Variants in ISLR2 observed in about 807,000 individuals in gnomAD.
The protein encoded by ISLR2 is immunoglobulin superfamily containing leucine rich repeat 2, also known as immunoglobulin superfamily containing leucine-rich repeat protein 2.
In ISLR2, 16 loss-of-function variants were observed where a neutral mutation model predicts 25.5. That is an observed-to-expected ratio of 0.63 (90% CI 0.43 to 0.95). The LOEUF is 0.95. Among genes scored for constraint, ISLR2 ranks in the 40% least tolerant of loss-of-function variants. The pLI is 0.00. For missense variants in ISLR2, 883 were observed against 1,030.7 expected, an observed-to-expected ratio of 0.86 and a Z score of 1.96; for synonymous variants, 508 against 486.6, an observed-to-expected ratio of 1.04 and a Z score of -0.58.
At chr15:74,123,065 T>C (rs1375783454) in intron 2 of ISLR2, among the ~76,000 whole-genome samples, 1 of 152,038 alleles carries the variant, frequency 6.6e-6, no homozygotes, top group Non-Finnish European at 1.5e-5. Context: ...TATTCAGTGA[T>C]CAGATTTTAA....
intron 1 of ISLR2, 148 bp downstream of exon 1, chr15:74,130,769 G>C (rs574852595): frequency 6.6e-6 from 1 of 152,386 alleles, no homozygotes; most frequent in African/African-American, 2.4e-5. Context: ...ATTGTAAACT[G>C]TGAAGGTCGG....
At chr15:74,113,010 C>T (rs2072181710) in intron 2 of ISLR2, among the ~76,000 whole-genome samples, 1 of 152,126 alleles carries the variant, frequency 6.6e-6, no homozygotes, top group African/African-American at 2.4e-5. Flanking sequence ...TCACGGAAGA[C>T]AATTTTTCTA....
At chr15:74,131,760 A>G (rs954291480) in intron 2 of ISLR2, 10 of 152,198 alleles carry the variant, frequency 6.6e-5, no homozygotes, top group African/African-American at 2.4e-4. Context: ...TTCCCAACAC[A>G]CCTGGTCCAA....
At chr15:74,105,719 T>C (rs569352023) in intron 2 of ISLR2, among the ~76,000 whole-genome samples, 6 of 151,812 alleles carry the variant, frequency 4.0e-5, no homozygotes, top group Non-Finnish European at 7.4e-5. Flanking sequence ...AGCCAAGCAA[T>C]AAACCAGAAT....
At chr15:74,129,174 T>A, upstream of ISLR2, 1 of 399,824 alleles carries the variant, frequency 2.5e-6, no homozygotes, top group Non-Finnish European at 5.0e-6. The surrounding 1 kb of genome is among the most constrained non-coding windows in gnomAD (Gnocchi z 4.5). Context: ...GATGCGATGG[T>A]CTCAGCCCGC....
At chr15:74,120,809 A>G (rs1306525905) in intron 2 of ISLR2, among the ~76,000 whole-genome samples, 4 of 152,258 alleles carry the variant, frequency 2.6e-5, no homozygotes, top group African/African-American at 9.6e-5. Flanking sequence ...TATAGAAAGT[A>G]CTAAATTTAG....
intron 1 of ISLR2, among the ~76,000 whole-genome samples, chr15:74,103,440 A>G (rs1024425458): frequency 1.4e-5 from 2 of 143,808 alleles, no homozygotes; most frequent in African/African-American, 2.7e-5. Flanking sequence ...CATGTGTACT[A>G]AAAACAAAAT....
At chr15:74,124,820 C>T (rs754792131), upstream of ISLR2, among the ~76,000 whole-genome samples, 2 of 152,160 alleles carry the variant, frequency 1.3e-5, no homozygotes, top group Non-Finnish European at 2.9e-5. Context: ...GGAAGCCCTC[C>T]AGTGACACCA....
chr15:74,128,919 C>G (rs1289651062), upstream of ISLR2: 1 of 424,872 alleles, frequency 2.4e-6, no homozygotes, highest in Non-Finnish European at 4.7e-6. Context: ...CCGCCGTCTG[C>G]CTCCTTCTCC....
chr15:74,112,828 CT>C (rs35655801), intron 2 of ISLR2, among the ~76,000 whole-genome samples: 182 of 130,494 alleles, frequency 1.4e-3, no homozygotes, highest in Middle Eastern at 4.0e-3. Flanking sequence ...GTGCCCGGCC[CT>C]TTTTTTTTTT....
chr15:74,101,979 C>T (rs2072084009), intron 1 of ISLR2, among the ~76,000 whole-genome samples: 1 of 139,596 alleles, frequency 7.2e-6, no homozygotes, highest in South Asian at 2.4e-4. Context: ...CTTTGGGAGG[C>T]CGAGGCAGGC....
At position 74,120,287 on chromosome 15, in the gene ISLR2, T is replaced by C. The variant is rs184949776; in HGVS notation, n.229-10920T>C. 7.9e-5 allele frequency among the ~76,000 whole-genome samples: 12 copies of C among 152,110 alleles called. No individual in the cohort carries two copies. The East Asian group carries it at 1.9e-3, about 24-fold the overall frequency. ...TGCCAGGCAGTAGGATGAAGACAGATGGGGAAACTGCCTACCTTAGGTCAG... is the reference window on the plus strand; with the variant it reads ...TGCCAGGCAGTAGGATGAAGACAGACGGGGAAACTGCCTACCTTAGGTCAG... On this transcript the variant is annotated intron_variant and non_coding_transcript_variant, in intron 2 of 3. Coordinates refer to the ISLR2 transcript ENST00000561975.
chr15:74,107,675 C>G (rs1446327651), intron 2 of ISLR2, among the ~76,000 whole-genome samples: 1 of 152,202 alleles, frequency 6.6e-6, no homozygotes, highest in African/African-American at 2.4e-5. Flanking sequence ...CAGTCAAGTT[C>G]CATTCTGGAA....
intron 2 of ISLR2, among the ~76,000 whole-genome samples, chr15:74,115,907 A>C (rs1460914202): frequency 1.3e-5 from 2 of 151,550 alleles, no homozygotes; most frequent in African/African-American, 2.4e-5. Flanking sequence ...AAAAAAAAAA[A>C]ACAACACAGG....
At chr15:74,115,293 A>G (rs910412743) in intron 2 of ISLR2, among the ~76,000 whole-genome samples, 2 of 152,244 alleles carry the variant, frequency 1.3e-5, no homozygotes, top group African/African-American at 2.4e-5. Context: ...GATCCAACTT[A>G]TTTAAAGTAA....
At chr15:74,108,404 G>A (rs182661977) in intron 2 of ISLR2, among the ~76,000 whole-genome samples, 39 of 152,252 alleles carry the variant, frequency 2.6e-4, no homozygotes, top group African/African-American at 9.1e-4. Context: ...CAGCAGCTGG[G>A]GGCACCAGGA....
At chr15:74,136,943 A>AT (rs1375813342), downstream of ISLR2, 3 of 155,130 alleles carry the variant, frequency 1.9e-5, no homozygotes, top group East Asian at 1.9e-4. Flanking sequence ...CCATCCTGTG[A>AT]TTTTTTTGCC....
upstream of ISLR2, chr15:74,128,475 A>G (rs1012784579): frequency 1.1e-5 from 5 of 456,480 alleles, no homozygotes; most frequent in Non-Finnish European, 2.2e-5. Flanking sequence ...GGCTTCTGCA[A>G]CCCTGTCAAG....
chr15:74,117,953 G>A (rs569484244), intron 2 of ISLR2, among the ~76,000 whole-genome samples: 18 of 152,226 alleles, frequency 1.2e-4, no homozygotes, highest in Middle Eastern at 3.4e-3. Context: ...TATCGATCCC[G>A]GCCTACCAAG....
Sources: allele counts gnomAD v4.1 joint callset (sites outside exome capture counted in the v4.1 genomes callset), GRCh38; gene constraint gnomAD v4.1.1; non-coding constraint Gnocchi (gnomAD v3.1); transcripts MANE v1.5; gene names NCBI Gene and HGNC (gene_info 2026-07-23, HGNC 2026-07-21).